MDGA2: variants seen among roughly 807,000 people sequenced by gnomAD.
MDGA2 encodes the protein MAM domain containing glycosylphosphatidylinositol anchor 2.
MDGA2 carries 40 observed loss-of-function variants against 117.8 expected under a neutral mutation model. That is an observed-to-expected ratio of 0.34 (90% CI 0.26 to 0.44). MDGA2 has a LOEUF of 0.44. Ranked by LOEUF, MDGA2 falls within the 20% of genes least tolerant of loss-of-function variation. The pLI is 1.00. For synonymous variants in MDGA2, 452 were observed against 439.0 expected (o/e 1.03, Z -0.37); for missense variants, 1,123 against 1,250.6 (o/e 0.90, Z 1.54).
In MDGA2 at chr14:47,057,736, C is replaced by CCCTGA. The variant is rs938375141; in HGVS notation, c.1525+3512_1525+3513insTCAGG. Among the ~76,000 whole-genome samples, 3 of 150,988 alleles carry CCCTGA rather than the reference C, an allele frequency of 2.0e-5. No homozygotes were observed. The East Asian group carries it at 5.9e-4, about 30-fold the overall frequency. ...CCTTGCCCTGCCCTACCTTGCCCTGCCCTGCCCTGCCTTGCCTTGCCTTGC... is the reference window on the plus strand; with the variant it reads ...CCTTGCCCTGCCCTACCTTGCCCTGCCCTGACCTGCCCTGCCTTGCCTTGCCTTGC... On this transcript the variant is annotated intron_variant, in intron 7 of 16. Transcript: ENST00000399232.
At chr14:46,942,784 G>C (rs760774675) in intron 9 of MDGA2, among the ~76,000 whole-genome samples, 4 of 152,076 alleles carry the variant, frequency 2.6e-5, no homozygotes, top group African/African-American at 9.7e-5. Context: ...TAGATCACAA[G>C]TTGTTCATCT....
intron 5 of MDGA2, among the ~76,000 whole-genome samples, chr14:47,102,521 G>C (rs1880397002): frequency 6.6e-6 from 1 of 151,974 alleles, no homozygotes; most frequent in Non-Finnish European, 1.5e-5. Context: ...AGTTGATTTG[G>C]GCTGGGATCA....
chr14:46,840,915 G>GGT lies in MDGA2; in HGVS notation c.*1015_*1016insAC, dbSNP rs916786223. On this transcript the variant is annotated 3_prime_UTR_variant, in exon 17 of 17. Coordinates refer to ENST00000399232, the MANE Select transcript of MDGA2 (RefSeq NM_001113498.3). ...CCGAAAGGCCATGGCTGTCTAGGAG[G>GGT]TTAAACAACAAATATCTTGTCTGCA... 1 of 152,578 alleles carries GGT rather than the reference G, an allele frequency of 6.6e-6. No individual in the cohort carries two copies. Among genetic ancestry groups the GGT allele is most frequent in the African/African-American group, 2.4e-5 (1 of 41,446 alleles). 9.5% of individuals were successfully genotyped at this position (152,578 alleles called of 1,614,324 possible).
intron 2 of MDGA2, among the ~76,000 whole-genome samples, chr14:47,241,714 A>C (rs762166910): frequency 1.3e-5 from 2 of 151,850 alleles, no homozygotes; most frequent in Non-Finnish European, 2.9e-5. Flanking sequence ...CCTGCATTCC[A>C]TAATGTTTCA....
intron 7 of MDGA2, among the ~76,000 whole-genome samples, chr14:47,054,529 T>C (rs969220837): frequency 6.9e-6 from 1 of 145,458 alleles, no homozygotes; most frequent in Non-Finnish European, 1.5e-5. Context: ...TGTGTTCTCA[T>C]TGTTCAATTC....
At chr14:47,345,869 T>G (rs1489278955) in intron 1 of MDGA2, among the ~76,000 whole-genome samples, 2 of 152,038 alleles carry the variant, frequency 1.3e-5, no homozygotes, top group Non-Finnish European at 2.9e-5. Flanking sequence ...ATAGTCAAGT[T>G]TTTTAGCTAA....
At chr14:46,860,912 A>G (rs1881481566) in intron 14 of MDGA2, among the ~76,000 whole-genome samples, 1 of 151,894 alleles carries the variant, frequency 6.6e-6, no homozygotes, top group Admixed American at 6.6e-5. Flanking sequence ...TTTCACCAGT[A>G]TATGTTTCTT....
chr14:47,479,511 T>C (rs1469695653), intron 1 of MDGA2, among the ~76,000 whole-genome samples: 1 of 152,082 alleles, frequency 6.6e-6, no homozygotes, highest in Admixed American at 6.6e-5. Flanking sequence ...CTTAAATCAC[T>C]TCAAAACCAA....
In MDGA2 at chr14:46,967,832, ATAAC is replaced by A. The variant is rs557218437; in HGVS notation, c.1820-10193_1820-10190del. ...TAAGCACAGTAAGAGATGGACAGCA[ATAAC>A]TAATAATAAAAGAATGATTATAATA... On this transcript the variant is annotated intron_variant, in intron 8 of 16. Coordinates refer to ENST00000399232, the MANE Select transcript of MDGA2 (RefSeq NM_001113498.3). Among the ~76,000 whole-genome samples the A allele has an allele frequency of 4.0e-3, 608 of 152,326 alleles. 8 individuals carry two copies. Among genetic ancestry groups the A allele is most frequent in the African/African-American group, 0.014 (582 of 41,566 alleles).
intron 8 of MDGA2, among the ~76,000 whole-genome samples, chr14:46,979,666 A>G (rs930868721): frequency 1.3e-5 from 2 of 152,144 alleles, no homozygotes; most frequent in African/African-American, 4.8e-5. Flanking sequence ...CTTAACCCAA[A>G]CCCTAATTTA....
chr14:47,402,398 C>G (rs564523706), intron 1 of MDGA2, among the ~76,000 whole-genome samples: 13 of 131,618 alleles, frequency 9.9e-5, no homozygotes, highest in Admixed American at 8.6e-4. Flanking sequence ...AGCCATAAAG[C>G]CATGATTCTC....
intron 1 of MDGA2, among the ~76,000 whole-genome samples, chr14:47,351,145 C>A (rs924245215): frequency 1.4e-5 from 2 of 146,648 alleles, no homozygotes; most frequent in Admixed American, 1.4e-4. Flanking sequence ...ATGGCACGAT[C>A]TTGTCTCACC....
At chr14:47,041,008 T>C (rs1017232661) in intron 7 of MDGA2, among the ~76,000 whole-genome samples, 3 of 152,118 alleles carry the variant, frequency 2.0e-5, no homozygotes, top group Non-Finnish European at 4.4e-5. Flanking sequence ...TAATAGATAA[T>C]AGAGATAAAC....
chr14:46,936,948 A>G (rs539070525), intron 9 of MDGA2, among the ~76,000 whole-genome samples: 10 of 152,256 alleles, frequency 6.6e-5, no homozygotes, highest in Non-Finnish European at 1.0e-4. Context: ...AGCCAGAGCA[A>G]TTAGGCAAGA....
intron 3 of MDGA2, among the ~76,000 whole-genome samples, chr14:47,217,343 T>C (rs1886130322): frequency 1.3e-5 from 2 of 151,984 alleles, no homozygotes; most frequent in Admixed American, 1.3e-4. Flanking sequence ...CCAAATTAAA[T>C]GTAGGCCCTT....
chr14:47,356,418 C>T lies in MDGA2; in HGVS notation c.281-54868G>A, dbSNP rs112527307. ...TTATGCTTCTTGGGCCTCTTAGTTC[C>T]CGTGGCCAGTGGTCTCTGGGAGGCC... On this transcript the variant is annotated intron_variant, in intron 1 of 16. Coordinates refer to ENST00000399232, the MANE Select transcript of MDGA2 (RefSeq NM_001113498.3). Among the ~76,000 whole-genome samples the T allele has an allele frequency of 8.9e-3, 1,352 of 152,240 alleles. 16 individuals are homozygous for T. The highest frequency in any genetic ancestry group is 0.031 in the African/African-American group (1,268 of 41,540).
chr14:47,108,514 T>C (rs61992548), intron 5 of MDGA2, among the ~76,000 whole-genome samples: 79 of 148,462 alleles, frequency 5.3e-4, no homozygotes, highest in African/African-American at 1.8e-3. Flanking sequence ...TGAAAGTCCT[T>C]TTCCTGGCTC....
chr14:47,117,992 G>T (rs1022837829), intron 5 of MDGA2, among the ~76,000 whole-genome samples: 2 of 152,132 alleles, frequency 1.3e-5, no homozygotes, highest in Non-Finnish European at 2.9e-5. Flanking sequence ...TCCAAGTTTT[G>T]CATGCAGTTA....
intron 1 of MDGA2, among the ~76,000 whole-genome samples, chr14:47,558,293 G>T (rs1895726060): frequency 6.6e-6 from 1 of 152,174 alleles, no homozygotes; most frequent in African/African-American, 2.4e-5. Context: ...GGTAAGAAAA[G>T]AATTAGTCCA....
Sources: gnomAD v4.1 joint callset for allele counts (sites outside exome capture counted in the v4.1 genomes callset) on GRCh38, gnomAD v4.1.1 for gene constraint, MANE v1.5 for transcripts, NCBI Gene and HGNC (gene_info 2026-07-23, HGNC 2026-07-21) for gene names.